CELF2: variants seen among roughly 807,000 people sequenced by gnomAD.
CELF2 encodes the protein CUGBP Elav-like family member 2, also known as CUG triplet repeat RNA-binding protein 2.
A neutral mutation model predicts 62.6 loss-of-function variants in CELF2; 8 were observed. The observed-to-expected ratio is 0.13, with a 90% CI of 0.07 to 0.23. CELF2 has a LOEUF of 0.23. Among genes scored for constraint, CELF2 ranks in the 10% least tolerant of loss-of-function variants. The probability of loss-of-function intolerance (pLI) is 1.00; values close to 1 mark genes in which losing one functional copy is unlikely to be tolerated. For missense variants in CELF2, 333 were observed against 671.0 expected (o/e 0.50, Z 5.56); for synonymous variants, 258 against 250.0 (o/e 1.03, Z -0.30).
intron 5 of CELF2, among the ~76,000 whole-genome samples, chr10:11,263,828 ACCT>A (rs2081412827): frequency 6.6e-6 from 1 of 152,140 alleles, no homozygotes; most frequent in African/African-American, 2.4e-5. Flanking sequence ...ACTTACCGTG[ACCT>A]CCTGTTTTAG....
intron 1 of CELF2, among the ~76,000 whole-genome samples, chr10:10,836,633 CTTATT>C (rs980314913): frequency 5.3e-5 from 8 of 152,032 alleles, no homozygotes; most frequent in Admixed American, 2.6e-4. Flanking sequence ...AAAATCTAGC[CTTATT>C]TTATTTTATT....
At chr10:11,206,234 G>A (rs1368545178) in intron 2 of CELF2, among the ~76,000 whole-genome samples, 1 of 152,162 alleles carries the variant, frequency 6.6e-6, no homozygotes, top group Non-Finnish European at 1.5e-5. Context: ...GCAGTGAAGT[G>A]GAGACTTGAG....
At chr10:10,722,880 A>T in the CELF2 span, among the ~76,000 whole-genome samples, 1 of 152,190 alleles carries the variant, frequency 6.6e-6, no homozygotes, top group Non-Finnish European at 1.5e-5. Context: ...CAATACTGAG[A>T]TTTCAGAACT....
chr10:10,538,007 G>A, the CELF2 span, among the ~76,000 whole-genome samples: 4 of 152,126 alleles, frequency 2.6e-5, no homozygotes, highest in South Asian at 6.2e-4. Flanking sequence ...CATGGAATGA[G>A]GAGGGTTATG....
the CELF2 span, among the ~76,000 whole-genome samples, chr10:10,505,946 A>G: frequency 6.6e-6 from 1 of 152,168 alleles, no homozygotes; most frequent in Non-Finnish European, 1.5e-5. Flanking sequence ...ATGGTCTACC[A>G]CCTTCTTTCC....
chr10:11,206,178 G>A (rs751815464), intron 2 of CELF2, among the ~76,000 whole-genome samples: 3 of 152,174 alleles, frequency 2.0e-5, no homozygotes, highest in Non-Finnish European at 4.4e-5. Context: ...TAAGGGGCCT[G>A]CATTCTTAGT....
In CELF2 at chr10:11,220,111, C is replaced by T. The variant is rs1450544936; in HGVS notation, c.354+2604C>T. 6.6e-6 allele frequency among the ~76,000 whole-genome samples: 1 copy of T among 152,204 alleles called. No individual in the cohort carries two copies. Among genetic ancestry groups the T allele is most frequent in the Non-Finnish European group, 1.5e-5 (1 of 68,034 alleles). ...AAAGAAAAAATACATCACCAGCTGA[C>T]ACTTTAAAGCTTTTCTGGTTGTAAT... is the stretch of plus-strand genomic sequence containing the variant. On this transcript the variant is annotated intron_variant, in intron 3 of 12. Transcript: ENST00000633077. This position sits in a 1 kb window ranked among gnomAD's most constrained non-coding sequence, Gnocchi z 4.4.
At chr10:10,760,810 G>A in the CELF2 span, among the ~76,000 whole-genome samples, 1 of 152,214 alleles carries the variant, frequency 6.6e-6, no homozygotes, top group African/African-American at 2.4e-5. Context: ...CTATGAGTGG[G>A]AGGAACTGAG....
At chr10:10,804,953 A>G (rs527685240) in intron 1 of CELF2, among the ~76,000 whole-genome samples, 1 of 152,370 alleles carries the variant, frequency 6.6e-6, no homozygotes, top group Non-Finnish European at 1.5e-5. Context: ...AAAGATGTAT[A>G]GAGCCAGAAA....
intron 1 of CELF2, among the ~76,000 whole-genome samples, chr10:11,069,718 T>C (rs939469297): frequency 1.3e-5 from 2 of 152,254 alleles, no homozygotes; most frequent in Non-Finnish European, 2.9e-5. Context: ...CTTGTCACTC[T>C]AATTGATTGC....
intron 4 of CELF2, among the ~76,000 whole-genome samples, chr10:11,250,147 G>C (rs1218771265): frequency 2.0e-5 from 3 of 152,238 alleles, no homozygotes; most frequent in African/African-American, 7.2e-5. Flanking sequence ...CCACAGAATA[G>C]AAAGTTTTGA....
chr10:11,165,819 T>A lies in CELF2; in HGVS notation c.271+137T>A. 1.2e-6 allele frequency: 1 copy of A among 802,604 alleles called. No homozygotes were observed. Among genetic ancestry groups the A allele is most frequent in the Non-Finnish European group, 1.9e-6 (1 of 524,938 alleles). The allele number at this position is 802,604 out of a possible 1,614,324, so 49.7% of individuals were successfully genotyped here. On this transcript the variant is annotated intron_variant, in intron 2 of 12. Transcript: ENST00000633077. The surrounding 1 kb of genome is among the most constrained non-coding windows in gnomAD (Gnocchi z 7.4). ...AAGCAGCCGGTGCTGGCGGCCCCTG[T>A]GCTCCAGGGGCTGCTCCCGACTCCT...
chr10:10,696,014 G>A, the CELF2 span, among the ~76,000 whole-genome samples: 2 of 151,940 alleles, frequency 1.3e-5, no homozygotes, highest in Non-Finnish European at 2.9e-5. Context: ...GCTCGTCAAA[G>A]TCATTCTCCA....
At chr10:11,171,380 A>G (rs1254512518) in intron 2 of CELF2, 1 of 152,252 alleles carries the variant, frequency 6.6e-6, no homozygotes, top group Non-Finnish European at 1.5e-5. Flanking sequence ...TTCGAATAGG[A>G]TGATGAGTTG....
chr10:10,509,613 A>G, the CELF2 span, among the ~76,000 whole-genome samples: 1 of 152,234 alleles, frequency 6.6e-6, no homozygotes, highest in Non-Finnish European at 1.5e-5. Context: ...GCCAGAATGG[A>G]CCAAGACATC....
the CELF2 span, among the ~76,000 whole-genome samples, chr10:10,531,166 G>A: frequency 6.6e-6 from 1 of 152,192 alleles, no homozygotes. Flanking sequence ...TCCGCTTGTG[G>A]TCACACATCA....
chr10:11,083,583 G>T (rs890456832), intron 1 of CELF2, among the ~76,000 whole-genome samples: 1 of 152,160 alleles, frequency 6.6e-6, no homozygotes, highest in Non-Finnish European at 1.5e-5. Context: ...CCTCAGTTCA[G>T]CCCTCTGCTT....
At position 11,177,421 on chromosome 10, in the gene CELF2, T is replaced by G. The variant is rs1404412285; in HGVS notation, c.271+11739T>G. Reference sequence around the variant, plus strand: ...TTGGCTTATGTTTGCATGTGTGAATTAAAAAAAAAAAAAAGAGAAAATTAG... The same window carrying G: ...TTGGCTTATGTTTGCATGTGTGAATGAAAAAAAAAAAAAAGAGAAAATTAG... On this transcript the variant is annotated intron_variant, in intron 2 of 12. Transcript: ENST00000633077. This position sits in a 1 kb window ranked among gnomAD's most constrained non-coding sequence, Gnocchi z 4.8. 1.4e-5 allele frequency among the ~76,000 whole-genome samples: 2 copies of G among 140,966 alleles called. No individual in the cohort carries two copies. The highest frequency in any genetic ancestry group is 3.1e-5 in the Non-Finnish European group (2 of 64,036). The allele number at this position is 140,966 out of a possible 152,430, so 92.5% of individuals were successfully genotyped here. A position where few individuals can be genotyped will look rare whatever the true frequency, so the allele number is the denominator to read the frequency against.
intron 1 of CELF2, among the ~76,000 whole-genome samples, chr10:10,872,964 A>G (rs944371262): frequency 6.6e-6 from 1 of 152,196 alleles, no homozygotes; most frequent in African/African-American, 2.4e-5. Context: ...CTTGGTGGTT[A>G]AAATAAAACA....
Sources: gnomAD v4.1 joint callset for allele counts (sites outside exome capture counted in the v4.1 genomes callset) on GRCh38, gnomAD v4.1.1 for gene constraint, Gnocchi (gnomAD v3.1) non-coding constraint, MANE v1.5 for transcripts, NCBI Gene and HGNC (gene_info 2026-07-23, HGNC 2026-07-21) for gene names.